The following RGS7 variants were observed in gnomAD, a reference collection of about 807,000 sequenced individuals.
RGS7 encodes the protein regulator of G protein signaling 7, also known as regulator of G-protein signaling 7.
A neutral mutation model predicts 81.1 loss-of-function variants in RGS7; 27 were observed. The ratio of observed to expected loss-of-function variants is 0.33; its 90% CI spans 0.25 to 0.46. The LOEUF (loss-of-function observed/expected upper bound fraction) is 0.46, where lower values mean the gene tolerates loss of function less well. Among genes scored for constraint, RGS7 ranks in the 20% least tolerant of loss-of-function variants. The pLI, the probability that RGS7 is intolerant of heterozygous loss-of-function variation, is 1.00. For synonymous variants in RGS7, 208 were observed against 207.7 expected (o/e 1.00, Z -0.01); for missense variants, 396 against 607.4 (o/e 0.65, Z 3.66).
At chr1:241,086,753 C>T (rs2063474157) in intron 3 of RGS7, among the ~76,000 whole-genome samples, 1 of 152,162 alleles carries the variant, frequency 6.6e-6, no homozygotes, top group African/African-American at 2.4e-5. Context: ...TGTCTTCTGC[C>T]TTCCTCTCTG....
At chr1:240,918,917 C>T (rs76485777) in intron 6 of RGS7, among the ~76,000 whole-genome samples, 2,383 of 151,706 alleles carry the variant, frequency 0.016, 61 homozygotes, top group African/African-American at 0.055. Context: ...TCCCCTTTAT[C>T]CTAAAAATAG....
chr1:240,878,028 GC>G (rs979076052), intron 6 of RGS7, among the ~76,000 whole-genome samples: 1 of 151,894 alleles, frequency 6.6e-6, no homozygotes, highest in African/African-American at 2.4e-5. Context: ...AGTCCTTACT[GC>G]CCCATTAAGT....
In RGS7 at chr1:241,078,301, C is replaced by CTCTGTG. The variant is rs1481513576; in HGVS notation, c.175+20364_175+20365insCACAGA. On this transcript the variant is annotated intron_variant, in intron 3 of 18. Transcript: ENST00000440928. Reference sequence around the variant, plus strand: ...TTCCTGTGATATGTGCTTCTGGTCTCTGTGTGTGTGTGTGTGTGTGTGTGT... The same window carrying CTCTGTG: ...TTCCTGTGATATGTGCTTCTGGTCTCTCTGTGTGTGTGTGTGTGTGTGTGTGTGTGT... Among the ~76,000 whole-genome samples, 140 of 130,266 alleles carry CTCTGTG rather than the reference C, an allele frequency of 1.1e-3. 1 individual carries two copies. The highest frequency in any genetic ancestry group is 3.8e-3 in the African/African-American group (133 of 34,906). The allele number at this position is 130,266 out of a possible 152,430, so 85.5% of individuals were successfully genotyped here.
chr1:240,976,689 C>T (rs546479708), intron 4 of RGS7, among the ~76,000 whole-genome samples: 1 of 152,086 alleles, frequency 6.6e-6, no homozygotes, highest in Non-Finnish European at 1.5e-5. Flanking sequence ...TCAGAAGTAC[C>T]AGTTCTCAAA....
intron 2 of RGS7, among the ~76,000 whole-genome samples, chr1:241,124,711 C>T (rs1209287893): frequency 1.3e-5 from 2 of 152,142 alleles, no homozygotes; most frequent in Non-Finnish European, 2.9e-5. Context: ...GTGCACGGGG[C>T]CCATTTGGTC....
At chr1:240,793,611 A>ATTTTTTTTTT (rs1205854418) in intron 18 of RGS7, among the ~76,000 whole-genome samples, 2 of 78,872 alleles carry the variant, frequency 2.5e-5, no homozygotes, top group African/African-American at 9.7e-5. Flanking sequence ...ATATATATAT[A>ATTTTTTTTTT]TTTTTTTTTT....
rs1490889844 is a variant in RGS7, at chr1:240,932,945, G to A, written c.334-2177C>T. Among the ~76,000 whole-genome samples the A allele has an allele frequency of 1.9e-3, 243 of 131,036 alleles. 1 individual carries two copies. Among genetic ancestry groups the A allele is most frequent in the Non-Finnish European group, 2.7e-3 (168 of 62,870 alleles). The allele number at this position is 131,036 out of a possible 152,430, so 86.0% of individuals were successfully genotyped here. A position where few individuals can be genotyped will look rare whatever the true frequency, so the allele number is the denominator to read the frequency against. ...GTCGCCCAGGCTGGACTGCAGTGGC[G>A]CGATCTCGGCTCACTGCAAGCTCCG... On this transcript the variant is annotated intron_variant, in intron 5 of 18. Transcript: ENST00000440928.
chr1:240,843,560 C>T (rs10926368), intron 9 of RGS7, among the ~76,000 whole-genome samples: 101,259 of 152,056 alleles, frequency 0.67, 34,288 homozygotes, highest in Middle Eastern at 0.76. Flanking sequence ...GCCACTATGC[C>T]CGGCCTGACA....
At chr1:240,984,279 A>C (rs1685343881) in intron 3 of RGS7, among the ~76,000 whole-genome samples, 1 of 152,242 alleles carries the variant, frequency 6.6e-6, no homozygotes. Context: ...GGCAATATAT[A>C]TGAAATGCCT....
intron 4 of RGS7, among the ~76,000 whole-genome samples, chr1:240,955,124 G>A (rs918291675): frequency 2.0e-5 from 3 of 152,066 alleles, no homozygotes; most frequent in East Asian, 1.9e-4. Flanking sequence ...GGACTGGAAT[G>A]CTCAATGTTT....
chr1:241,049,825 C>G (rs573021602), intron 3 of RGS7, among the ~76,000 whole-genome samples: 15 of 152,236 alleles, frequency 9.9e-5, no homozygotes, highest in African/African-American at 3.6e-4. Flanking sequence ...TGTCTCCAGG[C>G]CCTTGGGACA....
intron 4 of RGS7, among the ~76,000 whole-genome samples, chr1:240,970,148 T>G (rs896663651): frequency 2.0e-5 from 3 of 152,154 alleles, no homozygotes; most frequent in Non-Finnish European, 4.4e-5. Context: ...TGATTAATGC[T>G]CATGTGTGAT....
intron 9 of RGS7, among the ~76,000 whole-genome samples, chr1:240,841,619 A>T (rs1658012479): frequency 6.6e-6 from 1 of 152,182 alleles, no homozygotes; most frequent in East Asian, 1.9e-4. Flanking sequence ...GCATTCTCTA[A>T]ACTATATAGA....
At chr1:241,154,086 C>A (rs2068943682) in intron 2 of RGS7, among the ~76,000 whole-genome samples, 1 of 152,152 alleles carries the variant, frequency 6.6e-6, no homozygotes, top group South Asian at 2.1e-4. Context: ...AGACATGTGT[C>A]CTGTTTTTGT....
chr1:240,874,183 T>G (rs2148048445), intron 6 of RGS7, among the ~76,000 whole-genome samples: 1 of 152,322 alleles, frequency 6.6e-6, no homozygotes, highest in African/African-American at 2.4e-5. Flanking sequence ...CCTGGACTTC[T>G]CAACCTCCAG....
chr1:240,937,595 G>T (rs1434989345), intron 4 of RGS7, among the ~76,000 whole-genome samples: 1 of 152,170 alleles, frequency 6.6e-6, no homozygotes, highest in African/African-American at 2.4e-5. Flanking sequence ...ATAGATGTGT[G>T]TTGGCCCATG....
rs576047453 is a variant in RGS7 at position 240,964,914 on chromosome 1, C to T, written c.226+18165G>A. Among the ~76,000 whole-genome samples, 9 of 152,280 alleles carry T rather than the reference C, an allele frequency of 5.9e-5. No homozygotes were observed. In the South Asian group the frequency reaches 1.7e-3, roughly 28 times the overall value. ...ATTTATATTACATACATTTTCCTTT[C>T]GGACACTTGTTCTGTTCTGTTCTCT... On this transcript the variant is annotated intron_variant, in intron 4 of 18. Coordinates refer to ENST00000440928, the MANE Select transcript of RGS7 (RefSeq NM_001364886.1).
intron 9 of RGS7, among the ~76,000 whole-genome samples, chr1:240,854,199 C>T (rs546391404): frequency 2.0e-5 from 3 of 152,206 alleles, no homozygotes; most frequent in Admixed American, 6.5e-5. Context: ...ATTAATTGCA[C>T]GTGCAAGATC....
At chr1:241,263,201 C>G (rs537250630) in intron 2 of RGS7, among the ~76,000 whole-genome samples, 7 of 152,062 alleles carry the variant, frequency 4.6e-5, no homozygotes, top group African/African-American at 1.7e-4. Flanking sequence ...TGCTTGAAAC[C>G]GGAAGGTAGA....
Sources: gnomAD v4.1 joint callset for allele counts (sites outside exome capture counted in the v4.1 genomes callset) on GRCh38, gnomAD v4.1.1 for gene constraint, MANE v1.5 for transcripts, NCBI Gene and HGNC (gene_info 2026-07-23, HGNC 2026-07-21) for gene names.